Variants in SYT9 observed in about 807,000 individuals in gnomAD.
The protein encoded by SYT9 is synaptotagmin-9.
SYT9 carries 22 observed loss-of-function variants against 48.4 expected under a neutral mutation model. The ratio of observed to expected loss-of-function variants is 0.45; its 90% CI spans 0.32 to 0.65. The LOEUF (loss-of-function observed/expected upper bound fraction) is 0.65, where lower values mean the gene tolerates loss of function less well. SYT9 is among the 30% of genes least tolerant of loss of function. SYT9 has a pLI of 0.03. For synonymous variants in SYT9, 265 were observed against 245.0 expected (o/e 1.08, Z -0.76); for missense variants, 577 against 622.0 (o/e 0.93, Z 0.77).
chr11:7,284,386 A>C (rs1434259075), intron 1 of SYT9, among the ~76,000 whole-genome samples: 2 of 152,112 alleles, frequency 1.3e-5, no homozygotes, highest in Non-Finnish European at 2.9e-5. Flanking sequence ...GTACATTCTC[A>C]AGTAAATTTT....
intron 2 of SYT9, among the ~76,000 whole-genome samples, chr11:7,309,888 T>G (rs1216833112): frequency 1.3e-5 from 2 of 152,144 alleles, no homozygotes; most frequent in African/African-American, 4.8e-5. Context: ...ACTCTAACTC[T>G]CTTCTGAATG....
In SYT9 at chr11:7,368,432, G is replaced by C. The variant is rs1850292063; in HGVS notation, c.1045-47610G>C. Among the ~76,000 whole-genome samples, 2 of 152,082 alleles carry C rather than the reference G, an allele frequency of 1.3e-5. 1 individual carries two copies. The highest frequency in any genetic ancestry group is 1.3e-4 in the Admixed American group (2 of 15,266). On this transcript the variant is annotated intron_variant, in intron 3 of 6. Coordinates refer to ENST00000318881, the MANE Select transcript of SYT9 (RefSeq NM_175733.4). The stretch of plus-strand genomic sequence containing the variant: ...GTTACTTAGGTATACATGTGCTGTG[G>C]TGGTTTGCTGCATCTGTCAACCCAT...
intron 1 of SYT9, among the ~76,000 whole-genome samples, chr11:7,241,148 G>A (rs578079806): frequency 1.3e-5 from 2 of 151,710 alleles, no homozygotes; most frequent in Non-Finnish European, 2.9e-5. Context: ...TTCCTCTACT[G>A]GCCAAGCCTA....
At chr11:7,360,097 A>C (rs946002456) in intron 3 of SYT9, among the ~76,000 whole-genome samples, 5 of 152,044 alleles carry the variant, frequency 3.3e-5, no homozygotes, top group African/African-American at 1.2e-4. Flanking sequence ...AGCACCATTT[A>C]TTAAATAGGG....
chr11:7,393,612 T>C (rs1846682597), intron 3 of SYT9, among the ~76,000 whole-genome samples: 1 of 152,088 alleles, frequency 6.6e-6, no homozygotes. Context: ...ATGATACTGG[T>C]TTTCTAGAAT....
chr11:7,449,469 C>G (rs891054685), intron 6 of SYT9, among the ~76,000 whole-genome samples: 1 of 151,724 alleles, frequency 6.6e-6, no homozygotes, highest in African/African-American at 2.4e-5. Context: ...CAAAAGAGAA[C>G]CAGGATTCAG....
At chr11:7,442,852 T>TA (rs1847852650) in intron 6 of SYT9, among the ~76,000 whole-genome samples, 6 of 140,350 alleles carry the variant, frequency 4.3e-5, no homozygotes, top group Non-Finnish European at 6.0e-5. Context: ...ATACATCCAT[T>TA]CAAAAAAAAA....
At chr11:7,391,782 G>A (rs1158323887) in intron 3 of SYT9, among the ~76,000 whole-genome samples, 1 of 136,708 alleles carries the variant, frequency 7.3e-6, no homozygotes, top group Non-Finnish European at 1.6e-5. Context: ...TAGGCGTGGT[G>A]GCATACGCCT....
In SYT9 at chr11:7,252,634, A is replaced by G. The variant is rs1342328390; in HGVS notation, c.145+303A>G. Reference sequence around the variant, plus strand: ...GGGGGCGGCTCCCTAGCTCCGAGCTACGCTCTCCACTTCCCGGGCTATCTG... The same window carrying G: ...GGGGGCGGCTCCCTAGCTCCGAGCTGCGCTCTCCACTTCCCGGGCTATCTG... On this transcript the variant is annotated intron_variant, in intron 1 of 6. Transcript: ENST00000318881. This position sits in a 1 kb window ranked among gnomAD's most constrained non-coding sequence, Gnocchi z 6.3. Among the ~76,000 whole-genome samples, 2 of 152,158 alleles carry G rather than the reference A, an allele frequency of 1.3e-5. No homozygotes were observed. The highest frequency in any genetic ancestry group is 1.5e-5 in the Non-Finnish European group (1 of 68,030).
At chr11:7,386,895 A>T (rs1466122462) in intron 3 of SYT9, among the ~76,000 whole-genome samples, 1 of 152,194 alleles carries the variant, frequency 6.6e-6, no homozygotes, top group Non-Finnish European at 1.5e-5. Flanking sequence ...CTTGGAACCA[A>T]TCCACATGTC....
At chr11:7,461,756 A>G (rs1027030936) in intron 6 of SYT9, among the ~76,000 whole-genome samples, 1 of 152,244 alleles carries the variant, frequency 6.6e-6, no homozygotes, top group Non-Finnish European at 1.5e-5. Flanking sequence ...AATGAATATT[A>G]ATTTGAAGTA....
chr11:7,267,150 A>G (rs1222765365), intron 1 of SYT9, among the ~76,000 whole-genome samples: 1 of 152,054 alleles, frequency 6.6e-6, no homozygotes, highest in African/African-American at 2.4e-5. Flanking sequence ...TCATTAATGA[A>G]GCAATATGTG....
At chr11:7,241,141 C>T (rs1169054642) in intron 1 of SYT9, among the ~76,000 whole-genome samples, 2 of 152,056 alleles carry the variant, frequency 1.3e-5, no homozygotes, top group East Asian at 3.9e-4. Context: ...CCATTACTTC[C>T]TCTACTGGCC....
chr11:7,283,162 TATAC>T (rs978491286), intron 1 of SYT9, among the ~76,000 whole-genome samples: 23 of 146,662 alleles, frequency 1.6e-4, no homozygotes, highest in African/African-American at 5.5e-4. Context: ...TATATATATA[TATAC>T]ACACACACAC....
At chr11:7,428,998 C>G (rs1310742940) in intron 6 of SYT9, among the ~76,000 whole-genome samples, 1 of 152,140 alleles carries the variant, frequency 6.6e-6, no homozygotes, top group Non-Finnish European at 1.5e-5. Flanking sequence ...AATGGAGGGT[C>G]TGTGTTGGAA....
At chr11:7,262,916 G>C (rs1000051028) in intron 1 of SYT9, among the ~76,000 whole-genome samples, 3 of 152,082 alleles carry the variant, frequency 2.0e-5, no homozygotes, top group African/African-American at 7.2e-5. Context: ...GAGATCAAGG[G>C]TTGTATTTAT....
chr11:7,279,863 A>G (rs147602166), intron 1 of SYT9, among the ~76,000 whole-genome samples: 168 of 152,330 alleles, frequency 1.1e-3, no homozygotes, highest in African/African-American at 3.8e-3. Context: ...GTCAAGCCCA[A>G]CCCAAATGCC....
intron 3 of SYT9, among the ~76,000 whole-genome samples, chr11:7,342,738 G>A (rs1308863184): frequency 1.3e-5 from 2 of 152,202 alleles, no homozygotes; most frequent in Non-Finnish European, 2.9e-5. Flanking sequence ...CCCCAGTGGG[G>A]ACTCTGTGTG....
chr11:7,254,943 T>C (rs1390181549), intron 1 of SYT9, among the ~76,000 whole-genome samples: 2 of 152,106 alleles, frequency 1.3e-5, no homozygotes, highest in African/African-American at 2.4e-5. Context: ...TAGTGCCCTG[T>C]TGGGGGAGTA....
Sources: allele counts gnomAD v4.1 joint callset (sites outside exome capture counted in the v4.1 genomes callset), GRCh38; gene constraint gnomAD v4.1.1; non-coding constraint Gnocchi (gnomAD v3.1); transcripts MANE v1.5; gene names NCBI Gene and HGNC (gene_info 2026-07-23, HGNC 2026-07-21).